DNM3: variants seen among roughly 807,000 people sequenced by gnomAD.
DNM3 encodes dynamin 3, also known as dynamin-3.
A neutral mutation model predicts 101.6 loss-of-function variants in DNM3; 47 were observed. The ratio of observed to expected loss-of-function variants is 0.46; its 90% CI spans 0.37 to 0.59. DNM3 has a LOEUF of 0.59. Ranked by LOEUF, DNM3 falls within the 20% of genes least tolerant of loss-of-function variation. The pLI is 0.00. For synonymous variants in DNM3, 385 were observed against 387.9 expected (o/e 0.99, Z 0.09); for missense variants, 849 against 1,085.7 (o/e 0.78, Z 3.06).
At chr1:172,239,736 T>C (rs1289026350) in intron 14 of DNM3, among the ~76,000 whole-genome samples, 1 of 151,288 alleles carries the variant, frequency 6.6e-6, no homozygotes, top group Non-Finnish European at 1.5e-5. Context: ...GTTCATTCTC[T>C]GGGTTCTTGG....
At chr1:172,041,376 G>A (rs1332438951) in intron 7 of DNM3, among the ~76,000 whole-genome samples, 2 of 152,176 alleles carry the variant, frequency 1.3e-5, no homozygotes, top group Non-Finnish European at 2.9e-5. Context: ...GAATGCAGGA[G>A]GATCAGCAGG....
In DNM3 at chr1:171,967,043, G is replaced by A. The variant is rs562945823; in HGVS notation, c.236-20613G>A. 3.9e-5 allele frequency among the ~76,000 whole-genome samples: 6 copies of A among 152,260 alleles called. No individual in the cohort carries two copies. In the East Asian group the frequency reaches 1.2e-3, roughly 29 times the overall value. On this transcript the variant is annotated intron_variant, in intron 2 of 20. Transcript: ENST00000627582. ...CCTTAGGAATTTAGGAAGTTGTCAT[G>A]CCAGCTGAGCCCTGAACCCTAGACC...
In DNM3 at chr1:172,409,219, G is replaced by A. The variant is rs941089047; in HGVS notation, c.*1378G>A. 1 of 985,354 alleles carries A rather than the reference G, an allele frequency of 1.0e-6. No homozygotes were observed. The highest frequency in any genetic ancestry group is 1.2e-6 in the Non-Finnish European group (1 of 829,882). 61.0% of individuals were successfully genotyped at this position (985,354 alleles called of 1,614,324 possible). ...CAGAGCAAGTATTCACTGAGTAGGG[G>A]TGTCCCATGACACTATTTCATATTC... On this transcript the variant is annotated 3_prime_UTR_variant, in exon 21 of 21. Transcript: ENST00000627582.
At position 172,403,573 on chromosome 1, in the gene DNM3, C is replaced by A. The variant is rs535913838; in HGVS notation, c.2523-4199C>A. Among the ~76,000 whole-genome samples the A allele has an allele frequency of 7.2e-5, 11 of 152,264 alleles. No individual in the cohort carries two copies. In the East Asian group the frequency reaches 2.1e-3, roughly 29 times the overall value. ...AGTTTCTCCCCCACAATGCCACCCA[C>A]CCTGCATGAGCATTTGACTTTCTTA... On this transcript the variant is annotated intron_variant, in intron 20 of 20. Transcript: ENST00000627582.
chr1:172,407,470 A>C (rs2070976896), intron 20 of DNM3, among the ~76,000 whole-genome samples: 1 of 152,086 alleles, frequency 6.6e-6, no homozygotes, highest in Non-Finnish European at 1.5e-5. Flanking sequence ...ATTATATTCT[A>C]TTGGCTAAGA....
chr1:172,398,217 T>C (rs1330862514), intron 20 of DNM3, among the ~76,000 whole-genome samples: 2 of 152,218 alleles, frequency 1.3e-5, no homozygotes, highest in East Asian at 1.9e-4. Flanking sequence ...CTTTACTGCA[T>C]TGTCATTGCA....
At chr1:172,179,538 A>G (rs1032311184) in intron 14 of DNM3, among the ~76,000 whole-genome samples, 3 of 151,836 alleles carry the variant, frequency 2.0e-5, no homozygotes, top group Admixed American at 6.6e-5. Flanking sequence ...TTTTTTTGCT[A>G]TGGTTTATTT....
chr1:172,120,397 G>A (rs1169638812), intron 13 of DNM3, among the ~76,000 whole-genome samples: 3 of 152,092 alleles, frequency 2.0e-5, no homozygotes, highest in African/African-American at 7.2e-5. Flanking sequence ...GGGAATTATG[G>A]GAGCTACAAT....
chr1:172,376,051 T>C (rs2068584955), intron 17 of DNM3: 1 of 152,104 alleles, frequency 6.6e-6, no homozygotes, highest in Non-Finnish European at 1.5e-5. Flanking sequence ...TAAAACTTTA[T>C]ATAACAGCCT....
intron 18 of DNM3, among the ~76,000 whole-genome samples, chr1:172,384,157 T>A (rs2069066806): frequency 6.6e-6 from 1 of 152,094 alleles, no homozygotes; most frequent in Admixed American, 6.6e-5. Flanking sequence ...CATTCCAAAC[T>A]CCAATTTTAG....
rs544511786 is a variant in DNM3, at chr1:171,905,833, GAAAACCATGAGTAGGCTT to G, written c.162-15910_162-15893del. Among the ~76,000 whole-genome samples, 390 of 151,922 alleles carry G rather than the reference GAAAACCATGAGTAGGCTT, an allele frequency of 2.6e-3. 4 individuals are homozygous for G. Among genetic ancestry groups the G allele is most frequent in the African/African-American group, 9.0e-3 (374 of 41,368 alleles). On this transcript the variant is annotated intron_variant, in intron 1 of 20. Transcript: ENST00000627582. ...ATGGAGACTAGTAGATTGTGAGGGT[GAAAACCATGAGTAGGCTT>G]AAAAGTATTGTCTCAAGACAAAAAA...
intron 14 of DNM3, among the ~76,000 whole-genome samples, chr1:172,159,301 G>GTATT (rs1344732251): frequency 4.0e-5 from 6 of 151,822 alleles, no homozygotes; most frequent in African/African-American, 1.5e-4. Flanking sequence ...CTTTTTAAAT[G>GTATT]TATTATCTTC....
chr1:172,038,484 G>C (rs2049128998), intron 7 of DNM3, 23 bp downstream of exon 7: 1 of 1,604,308 alleles, frequency 6.2e-7, no homozygotes, highest in Non-Finnish European at 8.5e-7. Flanking sequence ...TCCCTTCCTT[G>C]GCTCAGCATT....
At chr1:172,086,418 T>G (rs4306163) in intron 12 of DNM3, among the ~76,000 whole-genome samples, 5,601 of 152,256 alleles carry the variant, frequency 0.037, 244 homozygotes, top group East Asian at 0.14. Flanking sequence ...CAGTCTAAAA[T>G]TGCTTTACTC....
At chr1:172,072,337 G>A (rs1396950519) in intron 11 of DNM3, among the ~76,000 whole-genome samples, 1 of 152,136 alleles carries the variant, frequency 6.6e-6, no homozygotes, top group Non-Finnish European at 1.5e-5. Context: ...ATACAAGTAT[G>A]ATGTTATTGA....
chr1:171,973,090 T>C (rs1458355562), intron 2 of DNM3, among the ~76,000 whole-genome samples: 1 of 152,218 alleles, frequency 6.6e-6, no homozygotes, highest in African/African-American at 2.4e-5. Flanking sequence ...ATGATTCCTA[T>C]ATTTTGGGAA....
chr1:172,338,559 T>C (rs1338426035), intron 17 of DNM3, among the ~76,000 whole-genome samples: 1 of 152,102 alleles, frequency 6.6e-6, no homozygotes, highest in Admixed American at 6.5e-5. Flanking sequence ...TTAACACTGA[T>C]GGTGGGGAGT....
At chr1:172,032,579 G>C (rs973005599) in intron 5 of DNM3, 79 bp downstream of exon 5, 2 of 895,014 alleles carry the variant, frequency 2.2e-6, no homozygotes, top group Non-Finnish European at 3.2e-6. Flanking sequence ...GAAATGATTG[G>C]GAAGCCACTA....
rs555900804 is a variant in DNM3 at position 171,957,244 on chromosome 1, C to T, written c.236-30412C>T. Reference sequence around the variant, plus strand: ...ACGGAGTCTCGCACTGTCACCCAGGCTGGAGTGCAGTGGTGTGATCTCTGC... The same window carrying T: ...ACGGAGTCTCGCACTGTCACCCAGGTTGGAGTGCAGTGGTGTGATCTCTGC... On this transcript the variant is annotated intron_variant, in intron 2 of 20. Coordinates refer to ENST00000627582, the MANE Select transcript of DNM3 (RefSeq NM_015569.5). Among the ~76,000 whole-genome samples the T allele has an allele frequency of 4.2e-3, 617 of 148,408 alleles. 8 individuals carry two copies. Among genetic ancestry groups the T allele is most frequent in the African/African-American group, 0.015 (596 of 40,398 alleles).
Sources: allele counts gnomAD v4.1 joint callset (sites outside exome capture counted in the v4.1 genomes callset), GRCh38; gene constraint gnomAD v4.1.1; transcripts MANE v1.5; gene names NCBI Gene and HGNC (gene_info 2026-07-23, HGNC 2026-07-21).